Variants in CRPPA observed in about 807,000 individuals in gnomAD.
The protein encoded by CRPPA is CDP-L-ribitol pyrophosphorylase A.
Under a neutral mutation model 52.0 loss-of-function variants are expected in CRPPA, and 43 were observed. That is an observed-to-expected ratio of 0.83 (90% CI 0.65 to 1.07). CRPPA has a LOEUF of 1.07. Ranked by LOEUF, CRPPA falls within the 50% of genes least tolerant of loss-of-function variation. CRPPA has a pLI of 0.00. For missense variants in CRPPA, 629 were observed against 551.7 expected (o/e 1.14, Z -1.40); for synonymous variants, 250 against 203.5 (o/e 1.23, Z -1.94).
At chr7:16,372,135 A>G (rs886582970) in intron 3 of CRPPA, among the ~76,000 whole-genome samples, 1 of 152,240 alleles carries the variant, frequency 6.6e-6, no homozygotes, top group African/African-American at 2.4e-5. Context: ...TGAGGAAATA[A>G]TTGAGGAAAA....
At chr7:16,201,970 T>G (rs1194488497) in intron 9 of CRPPA, among the ~76,000 whole-genome samples, 1 of 152,192 alleles carries the variant, frequency 6.6e-6, no homozygotes, top group Non-Finnish European at 1.5e-5. Flanking sequence ...AAAGGTAATG[T>G]TCCTAACACA....
intron 5 of CRPPA, among the ~76,000 whole-genome samples, chr7:16,286,789 AC>A (rs1275206011): frequency 1.3e-5 from 2 of 152,174 alleles, no homozygotes; most frequent in Admixed American, 6.5e-5. Context: ...ATCAACACAA[AC>A]CCAGCATTCT....
Position 16,396,752 on chromosome 7 carries a change from T to C in CRPPA, c.534+9309A>G, listed in dbSNP as rs114727776. Among the ~76,000 whole-genome samples the C allele has an allele frequency of 3.3e-3, 506 of 152,338 alleles. 3 individuals carry two copies. Among genetic ancestry groups the C allele is most frequent in the African/African-American group, 0.012 (479 of 41,580 alleles). ...GAATACATTCGTATGACATGACTGA[T>C]AGAAAACGTGTGACATACATGTGAA... On this transcript the variant is annotated intron_variant, in intron 2 of 9. Coordinates refer to ENST00000407010, the MANE Select transcript of CRPPA (RefSeq NM_001101426.4).
intron 3 of CRPPA, among the ~76,000 whole-genome samples, chr7:16,322,664 C>A (rs1031406891): frequency 1.3e-5 from 2 of 152,084 alleles, no homozygotes; most frequent in Non-Finnish European, 2.9e-5. Flanking sequence ...TTCAAAATTT[C>A]TACAGACCAG....
At chr7:16,313,652 T>C (rs1228497664) in intron 3 of CRPPA, among the ~76,000 whole-genome samples, 1 of 152,032 alleles carries the variant, frequency 6.6e-6, no homozygotes, top group African/African-American at 2.4e-5. Context: ...TTTTAACATA[T>C]GCATTCAATG....
chr7:16,366,348 T>G (rs184161149), intron 3 of CRPPA, among the ~76,000 whole-genome samples: 1 of 152,246 alleles, frequency 6.6e-6, no homozygotes. Flanking sequence ...CATACAAAGC[T>G]GCATCCTCAC....
intron 9 of CRPPA, among the ~76,000 whole-genome samples, chr7:16,156,115 CA>C (rs35258024): frequency 0.12 from 13,315 of 111,906 alleles, 623 homozygotes; most frequent in African/African-American, 0.2. Context: ...TATTCAAAAG[CA>C]AAAAAAAAAA....
intron 3 of CRPPA, among the ~76,000 whole-genome samples, chr7:16,356,405 C>T (rs1314341126): frequency 6.6e-6 from 1 of 152,168 alleles, no homozygotes; most frequent in East Asian, 1.9e-4. Context: ...AAGATAGCCA[C>T]AAATGCTCTT....
intron 9 of CRPPA, among the ~76,000 whole-genome samples, chr7:16,095,190 A>T (rs1443760587): frequency 6.6e-6 from 1 of 152,220 alleles, no homozygotes; most frequent in East Asian, 1.9e-4. Flanking sequence ...GTTCCGGATT[A>T]CAAAACCTGA....
chr7:16,177,049 T>C (rs1781316326), intron 9 of CRPPA, among the ~76,000 whole-genome samples: 1 of 152,096 alleles, frequency 6.6e-6, no homozygotes, highest in Non-Finnish European at 1.5e-5. Context: ...GAGACTCAAC[T>C]CAGTAAGTTA....
chr7:16,308,499 C>G, intron 4 of CRPPA, 24 bp downstream of exon 4: 1 of 1,318,976 alleles, frequency 7.6e-7, no homozygotes, highest in East Asian at 2.3e-5. Flanking sequence ...GAAAAGAACC[C>G]AAGCAAGGTA....
intron 6 of CRPPA, chr7:16,269,088 G>A (rs1784027295): frequency 6.6e-6 from 1 of 152,212 alleles, no homozygotes; most frequent in African/African-American, 2.4e-5. Context: ...ATATTTGGCT[G>A]TTGGCCCGGT....
At chr7:16,160,732 T>A (rs1461425164) in intron 9 of CRPPA, among the ~76,000 whole-genome samples, 1 of 152,218 alleles carries the variant, frequency 6.6e-6, no homozygotes, top group African/African-American at 2.4e-5. Context: ...GGAATAGCAT[T>A]GAGTCTATAA....
rs185373807 is a variant in CRPPA, at chr7:16,354,095, T to G, written c.684+21997A>C. ...AACCTGATAGAAAAAAAAATTGAGT[T>G]CAGTTTTTAAAATGTCCTACTGAAA... is the stretch of plus-strand genomic sequence containing the variant. On this transcript the variant is annotated intron_variant, in intron 3 of 9. Transcript: ENST00000407010. 3.6e-3 allele frequency among the ~76,000 whole-genome samples: 552 copies of G among 152,280 alleles called. 4 individuals are homozygous for G. Among genetic ancestry groups the G allele is most frequent in the African/African-American group, 0.013 (521 of 41,562 alleles).
chr7:16,208,030 T>C (rs1782015129), intron 9 of CRPPA, among the ~76,000 whole-genome samples: 1 of 152,186 alleles, frequency 6.6e-6, no homozygotes, highest in Non-Finnish European at 1.5e-5. Flanking sequence ...CCTTTTGTAT[T>C]ACATGCTTTT....
chr7:16,300,133 A>G (rs899855814), intron 5 of CRPPA, among the ~76,000 whole-genome samples: 2 of 152,224 alleles, frequency 1.3e-5, no homozygotes, highest in Non-Finnish European at 1.5e-5. Flanking sequence ...CATACACACA[A>G]ACAGATGCAT....
chr7:16,317,173 T>A (rs1233874193), intron 3 of CRPPA, among the ~76,000 whole-genome samples: 2 of 152,086 alleles, frequency 1.3e-5, no homozygotes, highest in Admixed American at 1.3e-4. Flanking sequence ...TAGACTTGGG[T>A]TCCAACCATG....
intron 5 of CRPPA, among the ~76,000 whole-genome samples, chr7:16,300,000 TG>T (rs1415951353): frequency 2.4e-4 from 36 of 152,210 alleles, no homozygotes; most frequent in African/African-American, 8.4e-4. Context: ...TATTTCCTTG[TG>T]TTGAGGACAC....
chr7:16,417,371 C>T (rs937343778), intron 1 of CRPPA, among the ~76,000 whole-genome samples: 1 of 152,148 alleles, frequency 6.6e-6, no homozygotes, highest in East Asian at 1.9e-4. Context: ...TTCACAATAG[C>T]AAACACAGGG....
Sources: allele counts gnomAD v4.1 joint callset (sites outside exome capture counted in the v4.1 genomes callset), GRCh38; gene constraint gnomAD v4.1.1; transcripts MANE v1.5; gene names NCBI Gene and HGNC (gene_info 2026-07-23, HGNC 2026-07-21).